Variants in ACBD6 observed in about 807,000 individuals in gnomAD.
ACBD6 encodes acyl-CoA binding domain containing 6, also known as acyl-CoA-binding domain-containing protein 6.
In ACBD6, 28 loss-of-function variants were observed where a neutral mutation model predicts 37.2. The ratio of observed to expected loss-of-function variants is 0.75; its 90% CI spans 0.56 to 1.03. The LOEUF (loss-of-function observed/expected upper bound fraction) is 1.03, where lower values mean the gene tolerates loss of function less well. ACBD6 is among the 50% of genes least tolerant of loss of function. ACBD6 has a pLI of 0.00. For synonymous variants in ACBD6, 113 were observed against 126.8 expected (o/e 0.89, Z 0.73); for missense variants, 340 against 337.4 (o/e 1.01, Z -0.06).
intron 6 of ACBD6, among the ~76,000 whole-genome samples, chr1:180,336,019 T>C (rs1216259626): frequency 6.6e-6 from 1 of 151,790 alleles, no homozygotes; most frequent in African/African-American, 2.4e-5. Flanking sequence ...AAGCAAGTCC[T>C]TAGAGACCTA....
intron 6 of ACBD6, among the ~76,000 whole-genome samples, chr1:180,395,463 G>A (rs1020480086): frequency 1.3e-5 from 2 of 152,102 alleles, no homozygotes; most frequent in African/African-American, 4.8e-5. Flanking sequence ...CCAGTGTTGT[G>A]TGATTTTTTT....
chr1:180,311,387 T>C (rs79615145), intron 7 of ACBD6, among the ~76,000 whole-genome samples: 1 of 152,228 alleles, frequency 6.6e-6, no homozygotes. Context: ...ACTTGCTAGC[T>C]TGTAAGCAAA....
chr1:180,335,349 C>T (rs1313021351), intron 6 of ACBD6, among the ~76,000 whole-genome samples: 3 of 152,076 alleles, frequency 2.0e-5, no homozygotes, highest in Non-Finnish European at 4.4e-5. Context: ...AGAGTGGGGG[C>T]CAATATTCAA....
intron 2 of ACBD6, among the ~76,000 whole-genome samples, chr1:180,493,690 C>T (rs1162635214): frequency 6.6e-6 from 1 of 152,154 alleles, no homozygotes; most frequent in Non-Finnish European, 1.5e-5. Context: ...AATATAGAGG[C>T]TATACATTCA....
intron 3 of ACBD6, 100 bp downstream of exon 3, chr1:180,492,169 T>G: frequency 1.2e-6 from 1 of 851,202 alleles, no homozygotes; most frequent in South Asian, 1.5e-5. Context: ...AAAGTAAAAC[T>G]TTAAGCATGT....
chr1:180,418,872 CT>C (rs1049332020), intron 4 of ACBD6, among the ~76,000 whole-genome samples: 44 of 152,326 alleles, frequency 2.9e-4, no homozygotes, highest in African/African-American at 1.0e-3. Context: ...CAAAACATTG[CT>C]TGGGCAGTAA....
chr1:180,502,050 T>C lies in ACBD6; in HGVS notation c.217A>G (p.Lys73Glu). 6.2e-7 allele frequency: 1 copy of C among 1,613,656 alleles called. No individual in the cohort carries two copies. Among genetic ancestry groups the C allele is most frequent in the Non-Finnish European group, 8.5e-7 (1 of 1,179,844 alleles). ...CCCTCTCCCTGCTACTTTACCTGTT[T>C]GTACCTGGCATACAGGTACAAGAGC... ...EQLLYLYARY[K>E]QVKVGNCNTP... is the part of the protein sequence containing the mutation. Residue 73 changes from lysine to glutamate, a missense_variant, in exon 1 of 8, where the codon AAA becomes GAA. Coordinates refer to ENST00000367595, the MANE Select transcript of ACBD6 (RefSeq NM_032360.4).
chr1:180,318,474 A>AG (rs1441828951), intron 6 of ACBD6, among the ~76,000 whole-genome samples: 5 of 152,048 alleles, frequency 3.3e-5, no homozygotes, highest in African/African-American at 4.8e-5. Flanking sequence ...GTTTATTTTA[A>AG]GGGGGGTTTT....
intron 5 of ACBD6, among the ~76,000 whole-genome samples, chr1:180,403,175 C>T (rs1647452809): frequency 6.6e-6 from 1 of 152,048 alleles, no homozygotes; most frequent in Middle Eastern, 3.2e-3. Context: ...CGGTGGTTAC[C>T]TTTTTGGGAT....
chr1:180,434,666 A>G (rs1416972187), intron 3 of ACBD6: 1 of 394,638 alleles, frequency 2.5e-6, no homozygotes. Context: ...GAATCTACCT[A>G]TGATAAGTCA....
intron 1 of ACBD6, among the ~76,000 whole-genome samples, chr1:180,498,082 T>C (rs1651804766): frequency 6.6e-6 from 1 of 152,174 alleles, no homozygotes; most frequent in Non-Finnish European, 1.5e-5. Context: ...ATTTAGAAAA[T>C]ATGGTTTACT....
chr1:180,459,202 T>G (rs1650035923), intron 3 of ACBD6, among the ~76,000 whole-genome samples: 1 of 152,234 alleles, frequency 6.6e-6, no homozygotes, highest in African/African-American at 2.4e-5. Context: ...TCTAATATTT[T>G]AGTAATTTGG....
chr1:180,291,617 A>C (rs1649710696), intron 7 of ACBD6, among the ~76,000 whole-genome samples: 1 of 151,978 alleles, frequency 6.6e-6, no homozygotes, highest in South Asian at 2.1e-4. Context: ...TTCCAAATAT[A>C]TGTTTTATAA....
At chr1:180,473,312 T>A (rs1041854589) in intron 3 of ACBD6, among the ~76,000 whole-genome samples, 1 of 150,786 alleles carries the variant, frequency 6.6e-6, no homozygotes, top group African/African-American at 2.4e-5. Context: ...CCGGGCGTAG[T>A]GGCGGGCGCC....
intron 6 of ACBD6, among the ~76,000 whole-genome samples, chr1:180,366,056 A>G (rs1451040472): frequency 6.6e-6 from 1 of 152,212 alleles, no homozygotes; most frequent in Non-Finnish European, 1.5e-5. Context: ...TACATTTAAA[A>G]GAACATTTAA....
At chr1:180,391,956 G>A (rs928463536) in intron 6 of ACBD6, among the ~76,000 whole-genome samples, 1 of 152,080 alleles carries the variant, frequency 6.6e-6, no homozygotes, top group Non-Finnish European at 1.5e-5. Flanking sequence ...TACACGCAAT[G>A]AAATGTTATA....
intron 3 of ACBD6, among the ~76,000 whole-genome samples, chr1:180,458,636 G>C (rs931477677): frequency 6.6e-6 from 1 of 152,050 alleles, no homozygotes; most frequent in Admixed American, 6.6e-5. Flanking sequence ...CAGTAATAAA[G>C]GCATTTCAGA....
intron 3 of ACBD6, among the ~76,000 whole-genome samples, chr1:180,447,763 A>T (rs752859481): frequency 6.6e-6 from 1 of 152,204 alleles, no homozygotes; most frequent in South Asian, 2.1e-4. Context: ...ATCATAAAAC[A>T]TCAAAAGATT....
At chr1:180,406,473 T>C (rs910422597) in intron 5 of ACBD6, among the ~76,000 whole-genome samples, 2 of 152,098 alleles carry the variant, frequency 1.3e-5, no homozygotes, top group East Asian at 1.9e-4. Context: ...ATTATACTTA[T>C]GTACAATAAA....
Sources: gnomAD v4.1 joint callset for allele counts (sites outside exome capture counted in the v4.1 genomes callset) on GRCh38, gnomAD v4.1.1 for gene constraint, MANE v1.5 for transcripts, NCBI Gene and HGNC (gene_info 2026-07-23, HGNC 2026-07-21) for gene names.